CENPK: variants seen among roughly 807,000 people sequenced by gnomAD.
CENPK encodes the protein SoxLZ/Sox6-binding protein Solt.
CENPK carries 46 observed loss-of-function variants against 40.9 expected under a neutral mutation model. That is an observed-to-expected ratio of 1.13 (90% CI 0.89 to 1.44). The LOEUF (loss-of-function observed/expected upper bound fraction) is 1.44, where lower values mean the gene tolerates loss of function less well. CENPK is among the 40% of genes most tolerant of loss of function. The pLI is 0.00. For missense variants in CENPK, 288 were observed against 303.5 expected, an observed-to-expected ratio of 0.95 and a Z score of 0.38; for synonymous variants, 107 against 104.4, an observed-to-expected ratio of 1.02 and a Z score of -0.15.
chr5:65,527,687 T>A (rs1744972996), intron 9 of CENPK, among the ~76,000 whole-genome samples: 1 of 151,770 alleles, frequency 6.6e-6, no homozygotes, highest in South Asian at 2.1e-4. Flanking sequence ...ACATCATTCT[T>A]TTGATTTAAA....
chr5:65,555,840 T>C (rs902757273), intron 2 of CENPK, among the ~76,000 whole-genome samples: 10 of 152,196 alleles, frequency 6.6e-5, no homozygotes, highest in African/African-American at 2.4e-4. Context: ...AAAAACTCAG[T>C]TTAGGATATG....
chr5:65,549,230 G>A (rs1001249971), intron 5 of CENPK, among the ~76,000 whole-genome samples: 1 of 152,062 alleles, frequency 6.6e-6, no homozygotes, highest in African/African-American at 2.4e-5. Context: ...CTGAGTGGTA[G>A]GTCTCAACAG....
intron 6 of CENPK, among the ~76,000 whole-genome samples, chr5:65,537,893 G>A (rs762509720): frequency 1.8e-4 from 28 of 151,884 alleles, no homozygotes; most frequent in East Asian, 1.2e-3. Flanking sequence ...GTAACTTTTC[G>A]TTTGGATACA....
chr5:65,503,634 T>C, the CENPK span, among the ~76,000 whole-genome samples: 1 of 152,054 alleles, frequency 6.6e-6, no homozygotes, highest in Admixed American at 6.5e-5. Flanking sequence ...CTATTATCTT[T>C]AAGATACTTT....
chr5:65,533,586 AC>A (rs1328344690), intron 6 of CENPK, among the ~76,000 whole-genome samples: 1 of 151,958 alleles, frequency 6.6e-6, no homozygotes, highest in Non-Finnish European at 1.5e-5. Flanking sequence ...CAGCAAAATA[AC>A]CCCCCAAAAA....
At chr5:65,522,851 T>C (rs1256548153) in intron 9 of CENPK, among the ~76,000 whole-genome samples, 3 of 152,248 alleles carry the variant, frequency 2.0e-5, no homozygotes, top group African/African-American at 4.8e-5. Context: ...TAGGTGTGAT[T>C]TGACTACCAA....
At chr5:65,500,663 G>GT in the CENPK span, among the ~76,000 whole-genome samples, 4 of 151,794 alleles carry the variant, frequency 2.6e-5, no homozygotes, top group East Asian at 7.8e-4. Context: ...TGTTTTTTCG[G>GT]TTTTTTGTTT....
chr5:65,546,853 T>C (rs1446236913), intron 5 of CENPK, among the ~76,000 whole-genome samples: 2 of 152,208 alleles, frequency 1.3e-5, no homozygotes, highest in Non-Finnish European at 2.9e-5. Context: ...AGAAAATTAA[T>C]TTCTGTTGTT....
At chr5:65,498,215 A>G in the CENPK span, among the ~76,000 whole-genome samples, 1 of 152,038 alleles carries the variant, frequency 6.6e-6, no homozygotes, top group Admixed American at 6.6e-5. Flanking sequence ...TTTATATATT[A>G]TATATCTCTC....
intron 6 of CENPK, among the ~76,000 whole-genome samples, chr5:65,539,843 C>T (rs929744668): frequency 6.6e-6 from 1 of 152,202 alleles, no homozygotes; most frequent in African/African-American, 2.4e-5. Context: ...GAGATATGAC[C>T]CTCCAGAAGG....
rs140748564 is a variant in CENPK at position 65,529,129 on chromosome 5, T to C, written c.359A>G (p.Glu120Gly). 326 of 1,607,216 alleles carry C rather than the reference T, an allele frequency of 2.0e-4. No homozygotes were observed. The highest frequency in any genetic ancestry group is 3.8e-5 in the Non-Finnish European group (45 of 1,174,752). Residue 120 changes from glutamate to glycine, a missense_variant, in exon 7 of 11, where the codon GAA becomes GGA. Glu to Gly is a moderately conservative substitution (Grantham distance 98). Coordinates refer to ENST00000396679, the MANE Select transcript of CENPK (RefSeq NM_022145.5). Reference protein sequence around the residue: ...TKESKNEKLKEDLEREQRWLD... With the variant: ...TKESKNEKLKGDLEREQRWLD... ...AACATAAACAAACCTTTCTAAGTCTTCCTTTAACTTTTCATTCTTTGACTC... is the reference window on the plus strand; with the variant it reads ...AACATAAACAAACCTTTCTAAGTCTCCCTTTAACTTTTCATTCTTTGACTC...
At chr5:65,535,172 C>CAACGAACTGAG in intron 6 of CENPK, among the ~76,000 whole-genome samples, 1 of 150,514 alleles carries the variant, frequency 6.6e-6, no homozygotes. Flanking sequence ...GTCAAGGTTA[C>CAACGAACTGAG]AACGAACTGA....
chr5:65,559,323 G>A (rs777913606), intron 2 of CENPK, among the ~76,000 whole-genome samples: 1 of 152,168 alleles, frequency 6.6e-6, no homozygotes, highest in Non-Finnish European at 1.5e-5. Flanking sequence ...GACTTGACAA[G>A]CAAATTGTAA....
chr5:65,498,716 G>A, the CENPK span, among the ~76,000 whole-genome samples: 1 of 149,316 alleles, frequency 6.7e-6, no homozygotes, highest in Admixed American at 6.7e-5. Flanking sequence ...GAGTGCAGTG[G>A]CATTGATCAT....
At chr5:65,554,557 C>G (rs898746699) in intron 3 of CENPK, among the ~76,000 whole-genome samples, 1 of 152,120 alleles carries the variant, frequency 6.6e-6, no homozygotes, top group Non-Finnish European at 1.5e-5. Context: ...AATATAATGG[C>G]TGTTGTTTCC....
chr5:65,560,515 G>A (rs1355838476), intron 2 of CENPK, among the ~76,000 whole-genome samples: 1 of 152,054 alleles, frequency 6.6e-6, no homozygotes, highest in East Asian at 1.9e-4. Context: ...TTTATTTTGT[G>A]TCTGCATTTT....
chr5:65,524,010 C>T (rs1057345848), intron 9 of CENPK, among the ~76,000 whole-genome samples: 2 of 152,038 alleles, frequency 1.3e-5, no homozygotes, highest in Non-Finnish European at 2.9e-5. Flanking sequence ...AGACTAAACA[C>T]CCAGGAATTC....
intron 5 of CENPK, chr5:65,551,249 CAAAAA>C (rs58442174): frequency 4.0e-3 from 450 of 111,704 alleles, no homozygotes; most frequent in South Asian, 8.3e-3. Flanking sequence ...GACCCTGTCT[CAAAAA>C]AAAAAAAAAA....
chr5:65,530,644 A>C (rs1030858558), intron 6 of CENPK, among the ~76,000 whole-genome samples: 2 of 152,262 alleles, frequency 1.3e-5, no homozygotes, highest in Non-Finnish European at 2.9e-5. Context: ...TGTATATTAC[A>C]AACCCTAAAG....
Sources: allele counts gnomAD v4.1 joint callset (sites outside exome capture counted in the v4.1 genomes callset), GRCh38; gene constraint gnomAD v4.1.1; transcripts MANE v1.5; gene names NCBI Gene and HGNC (gene_info 2026-07-23, HGNC 2026-07-21).